Variants in SAMD8 observed in about 807,000 individuals in gnomAD.
SAMD8 encodes sterile alpha motif domain containing 8.
SAMD8 carries 20 observed loss-of-function variants against 42.0 expected under a neutral mutation model. The ratio of observed to expected loss-of-function variants is 0.48; its 90% CI spans 0.34 to 0.69. The LOEUF (loss-of-function observed/expected upper bound fraction) is 0.69, where lower values mean the gene tolerates loss of function less well. SAMD8 is among the 30% of genes least tolerant of loss of function. The pLI, the probability that SAMD8 is intolerant of heterozygous loss-of-function variation, is 0.01. For synonymous variants in SAMD8, 162 were observed against 173.0 expected, an observed-to-expected ratio of 0.94 and a Z score of 0.50; for missense variants, 328 against 511.6, an observed-to-expected ratio of 0.64 and a Z score of 3.46.
intron 1 of SAMD8, among the ~76,000 whole-genome samples, chr10:75,139,017 A>G (rs1286216154): frequency 6.6e-6 from 1 of 150,672 alleles, no homozygotes; most frequent in Non-Finnish European, 1.5e-5. Flanking sequence ...CTAGAGGGCA[A>G]TGGTGTGAAC....
chr10:75,106,082 TTTTTC>T (rs1589914977), intron 1 of SAMD8, among the ~76,000 whole-genome samples: 1 of 149,422 alleles, frequency 6.7e-6, no homozygotes, highest in East Asian at 2.0e-4. Flanking sequence ...CCGAATTTCT[TTTTTC>T]TTTTCTTTCT....
At chr10:75,102,400 G>C (rs954622085) in intron 1 of SAMD8, among the ~76,000 whole-genome samples, 3 of 152,008 alleles carry the variant, frequency 2.0e-5, no homozygotes, top group African/African-American at 7.2e-5. Flanking sequence ...CCGAGATCGC[G>C]CCACTGCACT....
chr10:75,162,451 A>G (rs2132192714), intron 2 of SAMD8, among the ~76,000 whole-genome samples: 1 of 152,160 alleles, frequency 6.6e-6, no homozygotes, highest in South Asian at 2.1e-4. Flanking sequence ...GGATTTCGAG[A>G]CCAGCCTGAC....
intron 4 of SAMD8, among the ~76,000 whole-genome samples, chr10:75,170,695 TAC>T (rs1023416518): frequency 4.2e-4 from 64 of 151,256 alleles, no homozygotes; most frequent in African/African-American, 1.4e-3. Context: ...CTATAAATAA[TAC>T]AGTTAACAGT....
intron 2 of SAMD8, chr10:75,164,401 T>TC (rs1422888302): frequency 1.8e-5 from 8 of 453,590 alleles, no homozygotes; most frequent in South Asian, 1.8e-4. Flanking sequence ...TTTTTTTTTT[T>TC]CCTCTGGTAT....
intron 1 of SAMD8, among the ~76,000 whole-genome samples, chr10:75,102,680 C>T (rs1589903543): frequency 6.6e-6 from 1 of 152,032 alleles, no homozygotes; most frequent in Non-Finnish European, 1.5e-5. Context: ...GGGCTGGTCG[C>T]GGTGGCTCAT....
chr10:75,108,300 C>T, upstream of SAMD8: 3 of 1,498,344 alleles, frequency 2.0e-6, no homozygotes, highest in Non-Finnish European at 2.6e-6. Flanking sequence ...AGGGACCGAG[C>T]CATTAGGGTC....
At chr10:75,131,641 G>A (rs1456505300) in intron 1 of SAMD8, among the ~76,000 whole-genome samples, 2 of 152,036 alleles carry the variant, frequency 1.3e-5, no homozygotes, top group Non-Finnish European at 2.9e-5. Context: ...AAATAAGTGA[G>A]TCTCCAAAAT....
intron 3 of SAMD8, among the ~76,000 whole-genome samples, chr10:75,167,406 T>C (rs1444026419): frequency 3.3e-5 from 5 of 152,018 alleles, no homozygotes; most frequent in Admixed American, 1.3e-4. Context: ...CCAACATGCC[T>C]GACTAATTTT....
intron 1 of SAMD8, among the ~76,000 whole-genome samples, chr10:75,139,427 T>G (rs1233676994): frequency 2.6e-5 from 4 of 152,180 alleles, no homozygotes; most frequent in African/African-American, 9.7e-5. Context: ...ATAATAATAA[T>G]AAAATAGTGA....
chr10:75,152,069 A>T (rs1840302521), intron 2 of SAMD8, among the ~76,000 whole-genome samples: 5 of 150,710 alleles, frequency 3.3e-5, no homozygotes, highest in Admixed American at 6.6e-5. Flanking sequence ...ATTTTTTTTT[A>T]AATGAAGAAT....
At chr10:75,106,496 G>A (rs766725904) in intron 1 of SAMD8, among the ~76,000 whole-genome samples, 36 of 152,194 alleles carry the variant, frequency 2.4e-4, no homozygotes, top group Non-Finnish European at 3.5e-4. Context: ...TTTCTTGACC[G>A]CTCAAAGTAT....
chr10:75,158,882 A>C (rs532096260), intron 2 of SAMD8, among the ~76,000 whole-genome samples: 7 of 152,308 alleles, frequency 4.6e-5, no homozygotes, highest in African/African-American at 1.7e-4. Flanking sequence ...TGTAGCATGT[A>C]TCAGCACTAC....
intron 1 of SAMD8, among the ~76,000 whole-genome samples, chr10:75,120,172 T>C (rs567702727): frequency 1.3e-5 from 2 of 152,266 alleles, no homozygotes; most frequent in African/African-American, 2.4e-5. Context: ...TAGTTTTTAG[T>C]GCCTATCACT....
rs1752302144 is a variant in SAMD8 at position 75,153,992 on chromosome 10, C to T, written c.578+2886C>T. 3.3e-5 allele frequency among the ~76,000 whole-genome samples: 5 copies of T among 152,138 alleles called. No individual in the cohort carries two copies. In the South Asian group the frequency reaches 1.0e-3, roughly 32 times the overall value. ...GTGTTGGCTAGGCTGGTCTCGAACT[C>T]CTGACTCAAATGATCCACCCACCTG... On this transcript the variant is annotated intron_variant, in intron 2 of 5. Coordinates refer to ENST00000542569, the MANE Select transcript of SAMD8 (RefSeq NM_001174156.2).
At chr10:75,135,073 A>G (rs988140186) in intron 1 of SAMD8, among the ~76,000 whole-genome samples, 2 of 152,150 alleles carry the variant, frequency 1.3e-5, no homozygotes, top group African/African-American at 4.8e-5. Flanking sequence ...GAAAAAAACA[A>G]AAAACAAAAA....
At chr10:75,174,678 C>A (rs1223063364) in intron 4 of SAMD8, among the ~76,000 whole-genome samples, 1 of 151,850 alleles carries the variant, frequency 6.6e-6, no homozygotes, top group Admixed American at 6.6e-5. Context: ...GATGATCCAC[C>A]CACCTCGGCC....
At chr10:75,134,783 G>C (rs12254485) in intron 1 of SAMD8, among the ~76,000 whole-genome samples, 7 of 152,184 alleles carry the variant, frequency 4.6e-5, no homozygotes, top group Admixed American at 1.3e-4. Context: ...TGTGACTGGT[G>C]TGGTGGCTTA....
In SAMD8 at chr10:75,168,548, C is replaced by T; in HGVS notation, c.682C>T (p.Leu228Phe). 2 of 1,613,042 alleles carry T rather than the reference C, an allele frequency of 1.2e-6. No homozygotes were observed. Residue 228 changes from leucine (L) to phenylalanine (F), a missense_variant, in exon 4 of 6, where the codon CTT becomes TTT. By Grantham distance (22) the Leu-to-Phe change is conservative. This residue lies in a region of SAMD8 where 178 missense variants were observed against 325.6 expected (regional missense o/e 0.55). Coordinates refer to ENST00000542569, the MANE Select transcript of SAMD8 (RefSeq NM_001174156.2). ...TTGGTTGATCTGTTACAGGTCAATA[C>T]TTCTGCGAAGGCTCTGTAGTCTGAT... ...VLLLHKHRSILLRRLCSLMGT... is the reference protein window; with the variant it reads ...VLLLHKHRSIFLRRLCSLMGT...
Sources: gnomAD v4.1 joint callset for allele counts (sites outside exome capture counted in the v4.1 genomes callset) on GRCh38, gnomAD v4.1.1 for gene constraint, gnomAD v4.1.1 regional missense constraint, MANE v1.5 for transcripts, NCBI Gene and HGNC (gene_info 2026-07-23, HGNC 2026-07-21) for gene names.